XKR4: variants seen among roughly 807,000 people sequenced by gnomAD.
The protein encoded by XKR4 is XK-related protein 4.
Under a neutral mutation model 53.9 loss-of-function variants are expected in XKR4, and 12 were observed. The observed-to-expected ratio is 0.22, with a 90% CI of 0.14 to 0.36. The LOEUF is 0.36. Ranked by LOEUF, XKR4 falls within the 10% of genes least tolerant of loss-of-function variation. XKR4 has a pLI of 1.00. For synonymous variants in XKR4, 354 were observed against 362.4 expected (o/e 0.98, Z 0.26); for missense variants, 799 against 859.5 (o/e 0.93, Z 0.88).
At chr8:55,296,639 A>G (rs1411876536) in intron 1 of XKR4, among the ~76,000 whole-genome samples, 2 of 152,180 alleles carry the variant, frequency 1.3e-5, no homozygotes, top group Non-Finnish European at 2.9e-5. Context: ...GGAACCAATT[A>G]TGCATAAGTA....
intron 2 of XKR4, among the ~76,000 whole-genome samples, chr8:55,422,130 A>T (rs984632736): frequency 2.0e-5 from 3 of 152,242 alleles, no homozygotes; most frequent in African/African-American, 7.2e-5. Context: ...ATTACATAAC[A>T]TTGGGACTTT....
chr8:55,481,498 T>C (rs536711383), intron 2 of XKR4, among the ~76,000 whole-genome samples: 76 of 152,308 alleles, frequency 5.0e-4, no homozygotes, highest in African/African-American at 1.8e-3. Context: ...AAGGACTTCA[T>C]GTCTAAAACA....
intron 2 of XKR4, among the ~76,000 whole-genome samples, chr8:55,419,944 A>G (rs917884120): frequency 6.6e-6 from 1 of 152,244 alleles, no homozygotes; most frequent in Admixed American, 6.5e-5. Context: ...CTGGTAACAC[A>G]ATGATAAAAG....
rs1807087846 is a variant in XKR4, at chr8:55,540,574, T to C, written c.*16347T>C. 1 of 152,206 alleles carries C rather than the reference T, an allele frequency of 6.6e-6. No individual in the cohort carries two copies. The highest frequency in any genetic ancestry group is 2.1e-4 in the South Asian group (1 of 4,834). 9.4% of individuals were successfully genotyped at this position (152,206 alleles called of 1,614,324 possible). ...TCCTCTCTGTAGCCAGACAGCTCAA[T>C]AGCCTAGGGAGAGTCGATGAAGGAT... On this transcript the variant is annotated 3_prime_UTR_variant, in exon 3 of 3. Coordinates refer to ENST00000327381, the MANE Select transcript of XKR4 (RefSeq NM_052898.2).
chr8:55,107,666 T>C (rs1419439195), intron 1 of XKR4, among the ~76,000 whole-genome samples: 1 of 152,130 alleles, frequency 6.6e-6, no homozygotes, highest in African/African-American at 2.4e-5. Flanking sequence ...ATGTGAAAAG[T>C]TAATTACAAA....
At chr8:55,184,603 A>G (rs1026703600) in intron 1 of XKR4, among the ~76,000 whole-genome samples, 1 of 152,236 alleles carries the variant, frequency 6.6e-6, no homozygotes, top group Non-Finnish European at 1.5e-5. Flanking sequence ...GTGTCTGCAC[A>G]ATTACATTGG....
intron 2 of XKR4, among the ~76,000 whole-genome samples, chr8:55,506,008 C>T (rs781448736): frequency 6.6e-6 from 1 of 152,242 alleles, no homozygotes; most frequent in Non-Finnish European, 1.5e-5. Flanking sequence ...AGGTTCTGCA[C>T]TGCTCAACAT....
chr8:55,493,088 A>G (rs1806293762), intron 2 of XKR4, among the ~76,000 whole-genome samples: 1 of 152,210 alleles, frequency 6.6e-6, no homozygotes, highest in South Asian at 2.1e-4. Flanking sequence ...GGCCAAGTGG[A>G]TATAGTATTG....
intron 1 of XKR4, among the ~76,000 whole-genome samples, chr8:55,190,301 A>G (rs995089913): frequency 2.0e-5 from 3 of 152,246 alleles, no homozygotes; most frequent in Non-Finnish European, 4.4e-5. Context: ...AACAATTACT[A>G]GGCTTCAGTG....
chr8:55,260,265 T>G (rs1818504630), intron 1 of XKR4, among the ~76,000 whole-genome samples: 1 of 152,212 alleles, frequency 6.6e-6, no homozygotes, highest in African/African-American at 2.4e-5. Context: ...CTACCTCCCC[T>G]TTTTTATAAT....
chr8:55,144,038 AGCTGAATTATCGCAGCAGACTTTTG>A (rs1464763490), intron 1 of XKR4, among the ~76,000 whole-genome samples: 1 of 152,158 alleles, frequency 6.6e-6, no homozygotes, highest in Non-Finnish European at 1.5e-5. Context: ...ATTACTTCAG[AGCTGAATTATCGCAGCAGACTTTTG>A]GCTAGGTTCC....
intron 2 of XKR4, among the ~76,000 whole-genome samples, chr8:55,479,053 A>G (rs1806055024): frequency 6.6e-6 from 1 of 152,154 alleles, no homozygotes; most frequent in Non-Finnish European, 1.5e-5. Context: ...CGCGGACCTA[A>G]TAGACATCTA....
chr8:55,451,541 C>T (rs953311295), intron 2 of XKR4: 6 of 1,042,846 alleles, frequency 5.8e-6, no homozygotes, highest in East Asian at 2.6e-5. Flanking sequence ...ACACCTATGC[C>T]GTACAGGCCC....
rs559764545 is a variant in XKR4 at position 55,541,290 on chromosome 8, T to C, written c.*17063T>C. 6.6e-6 allele frequency: 1 copy of C among 152,326 alleles called. No individual in the cohort carries two copies. Among genetic ancestry groups the C allele is most frequent in the South Asian group, 2.1e-4 (1 of 4,826 alleles). 9.4% of individuals were successfully genotyped at this position (152,326 alleles called of 1,614,324 possible). On this transcript the variant is annotated 3_prime_UTR_variant, in exon 3 of 3. Coordinates refer to ENST00000327381, the MANE Select transcript of XKR4 (RefSeq NM_052898.2). ...TAATTTTGTTTGTTTGTTTCTAAGG[T>C]TGGTTTTGGGTAAAATCCTCATTTC...
At chr8:55,226,911 T>C (rs1002651849) in intron 1 of XKR4, among the ~76,000 whole-genome samples, 17 of 152,224 alleles carry the variant, frequency 1.1e-4, no homozygotes, top group African/African-American at 3.9e-4. Context: ...GTCAGGAGCC[T>C]GAGCAAAATA....
At chr8:55,410,176 C>G (rs766698116) in intron 2 of XKR4, among the ~76,000 whole-genome samples, 6 of 152,160 alleles carry the variant, frequency 3.9e-5, no homozygotes, top group Non-Finnish European at 8.8e-5. Context: ...TGACTCACCC[C>G]CCTTCTGGCT....
intron 1 of XKR4, among the ~76,000 whole-genome samples, chr8:55,110,299 C>T (rs1264332404): frequency 6.6e-6 from 1 of 152,080 alleles, no homozygotes; most frequent in East Asian, 1.9e-4. Context: ...TGACCTCATC[C>T]CAACAACATG....
chr8:55,197,341 C>T (rs1817518451), intron 1 of XKR4, among the ~76,000 whole-genome samples: 1 of 152,158 alleles, frequency 6.6e-6, no homozygotes, highest in Non-Finnish European at 1.5e-5. Context: ...AGGATGCGTC[C>T]TTAACCACAT....
chr8:55,192,996 T>C (rs1363171445), intron 1 of XKR4, among the ~76,000 whole-genome samples: 1 of 152,018 alleles, frequency 6.6e-6, no homozygotes, highest in Non-Finnish European at 1.5e-5. Context: ...TTTTTTTGTT[T>C]CTCCTCCTTC....
Sources: gnomAD v4.1 joint callset for allele counts (sites outside exome capture counted in the v4.1 genomes callset) on GRCh38, gnomAD v4.1.1 for gene constraint, MANE v1.5 for transcripts, NCBI Gene and HGNC (gene_info 2026-07-23, HGNC 2026-07-21) for gene names.